The following MCM9 variants were observed in gnomAD, a reference collection of about 807,000 sequenced individuals.
MCM9 encodes minichromosome maintenance 9 homologous recombination repair factor, also known as DNA helicase MCM9.
Under a neutral mutation model 72.8 loss-of-function variants are expected in MCM9, and 55 were observed. The observed-to-expected ratio is 0.76, with a 90% CI of 0.61 to 0.95. The LOEUF is 0.95. MCM9 is among the 40% of genes least tolerant of loss of function. The pLI is 0.00. For missense variants in MCM9, 1,279 were observed against 1,377.0 expected (o/e 0.93, Z 1.13); for synonymous variants, 480 against 503.4 (o/e 0.95, Z 0.62).
chr6:118,904,304 A>G (rs1780015447), intron 8 of MCM9, among the ~76,000 whole-genome samples: 1 of 152,198 alleles, frequency 6.6e-6, no homozygotes, highest in South Asian at 2.1e-4. Flanking sequence ...CTAGGTAGCG[A>G]TTTTATGCCT....
intron 9 of MCM9, among the ~76,000 whole-genome samples, chr6:118,849,334 G>T (rs925492019): frequency 2.6e-5 from 4 of 151,642 alleles, no homozygotes; most frequent in Admixed American, 2.6e-4. Context: ...AGTAATAAGA[G>T]ACTTTAACAC....
chr6:118,874,699 G>GA (rs1456177603), intron 8 of MCM9, among the ~76,000 whole-genome samples: 1 of 152,144 alleles, frequency 6.6e-6, no homozygotes, highest in Non-Finnish European at 1.5e-5. Context: ...AACAAACTGA[G>GA]AAAAAAATAC....
At chr6:118,840,838 A>G (rs980964357) in intron 9 of MCM9, among the ~76,000 whole-genome samples, 3 of 149,140 alleles carry the variant, frequency 2.0e-5, no homozygotes, top group African/African-American at 7.4e-5. Context: ...CCTGGGCTCA[A>G]GCAAACCTCC....
intron 9 of MCM9, among the ~76,000 whole-genome samples, chr6:118,836,971 C>T (rs1265294222): frequency 6.6e-6 from 1 of 151,986 alleles, no homozygotes; most frequent in Non-Finnish European, 1.5e-5. Flanking sequence ...TGTTGGGGTG[C>T]TGAATTTAGA....
intron 3 of MCM9, among the ~76,000 whole-genome samples, chr6:118,925,937 G>C (rs1274433572): frequency 6.6e-6 from 1 of 151,894 alleles, no homozygotes; most frequent in Non-Finnish European, 1.5e-5. Context: ...AAAAAAGCAA[G>C]ATATAATTCA....
Position 118,931,731 on chromosome 6 carries a change from C to A in MCM9, c.-8G>T, listed in dbSNP as rs374755975. The A allele has an allele frequency of 6.3e-7, 1 of 1,581,722 alleles. No homozygotes were observed. The highest frequency in any genetic ancestry group is 8.6e-7 in the Non-Finnish European group (1 of 1,163,732). ...AACTTGATCGCTATTCATCTTGAAT[C>A]TAGGTAACTAAAGAAAAAAAAAAGG... On this transcript the variant is annotated 5_prime_UTR_variant, in exon 3 of 14. The change abolishes the stop of an existing upstream ORF in the 5' untranslated region. Transcript: ENST00000619706.
At chr6:118,900,166 A>AG (rs1779710149) in intron 8 of MCM9, among the ~76,000 whole-genome samples, 1 of 145,750 alleles carries the variant, frequency 6.9e-6, no homozygotes, top group Non-Finnish European at 1.6e-5. Flanking sequence ...TGTATGACAC[A>AG]GGGGGGTGCC....
intron 8 of MCM9, among the ~76,000 whole-genome samples, chr6:118,857,814 G>A (rs934084297): frequency 2.6e-5 from 4 of 151,928 alleles, no homozygotes; most frequent in African/African-American, 9.7e-5. Flanking sequence ...TATCTAAAAA[G>A]GAACAGATAA....
intron 8 of MCM9, 36 bp downstream of exon 8, chr6:118,911,614 T>A: frequency 6.3e-7 from 1 of 1,586,874 alleles, no homozygotes. Context: ...ACTTCTGAAG[T>A]AATGTTAAAT....
intron 6 of MCM9, 74 bp from the exon 7 acceptor site, chr6:118,913,494 T>C (rs1780708149): frequency 6.4e-7 from 1 of 1,574,348 alleles, no homozygotes; most frequent in Non-Finnish European, 8.7e-7. Context: ...CTTCCTTTCC[T>C]ATCTGACCAT....
intron 3 of MCM9, among the ~76,000 whole-genome samples, chr6:118,930,056 C>A (rs1281760843): frequency 2.0e-5 from 3 of 151,854 alleles, no homozygotes; most frequent in Non-Finnish European, 4.4e-5. Flanking sequence ...TTATAAATCA[C>A]CACTCTTCTC....
At chr6:118,894,817 C>G (rs765827001) in intron 8 of MCM9, among the ~76,000 whole-genome samples, 5 of 152,212 alleles carry the variant, frequency 3.3e-5, no homozygotes, top group Admixed American at 2.6e-4. Context: ...CGCACTCGCT[C>G]CCGCTGCGCC....
chr6:118,818,466 C>G (rs576155010), intron 13 of MCM9, among the ~76,000 whole-genome samples: 1 of 152,140 alleles, frequency 6.6e-6, no homozygotes, highest in African/African-American at 2.4e-5. Flanking sequence ...TCTGAGGCCT[C>G]TGTTCTGTTT....
intron 8 of MCM9, among the ~76,000 whole-genome samples, chr6:118,884,706 T>C (rs1283052593): frequency 6.6e-6 from 1 of 151,926 alleles, no homozygotes; most frequent in Non-Finnish European, 1.5e-5. Context: ...AAGAAAGAAA[T>C]GGGTTGAAAG....
chr6:118,894,391 A>G (rs1562426743), intron 8 of MCM9: 3 of 1,536,208 alleles, frequency 2.0e-6, no homozygotes, highest in South Asian at 2.4e-5. Context: ...CCCAGTTCCC[A>G]TTGTTTGTGT....
At chr6:118,892,113 C>T (rs1778984550) in intron 8 of MCM9, among the ~76,000 whole-genome samples, 1 of 152,208 alleles carries the variant, frequency 6.6e-6, no homozygotes, top group African/African-American at 2.4e-5. Flanking sequence ...TCCTTTCGGT[C>T]TCTCCTGGAG....
chr6:118,857,195 T>C lies in MCM9; in HGVS notation c.1151-650A>G, dbSNP rs143694879. 8.5e-3 allele frequency among the ~76,000 whole-genome samples: 1,297 copies of C among 152,324 alleles called. 18 individuals carry two copies. Among genetic ancestry groups the C allele is most frequent in the African/African-American group, 0.029 (1,206 of 41,562 alleles). On this transcript the variant is annotated intron_variant, in intron 8 of 13. Transcript: ENST00000619706. The stretch of plus-strand genomic sequence containing the variant: ...AGACCTTATGACAGAGGGTGTGTAC[T>C]ATACGCTGTTTACAGAAAAGGGTCC...
Position 118,834,561 on chromosome 6 carries a change from G to A in MCM9, c.1326-5311C>T, listed in dbSNP as rs187177738. Among the ~76,000 whole-genome samples, 124 of 152,256 alleles carry A rather than the reference G, an allele frequency of 8.1e-4. 1 individual carries two copies. Among genetic ancestry groups the A allele is most frequent in the Non-Finnish European group, 9.8e-4 (67 of 68,024 alleles). ...TAATGATCACCATTCTAAATGGTGTGACATAGTACCTAATTGTGGTTTTGA... is the reference window on the plus strand; with the variant it reads ...TAATGATCACCATTCTAAATGGTGTAACATAGTACCTAATTGTGGTTTTGA... On this transcript the variant is annotated intron_variant, in intron 9 of 13. Transcript: ENST00000619706.
chr6:118,911,929 A>C (rs1304797577), intron 7 of MCM9, 160 bp from the exon 8 acceptor site: 5 of 521,508 alleles, frequency 9.6e-6, no homozygotes, highest in Admixed American at 3.5e-5. Flanking sequence ...TGTCATAAAC[A>C]GTCCTTAATT....
Sources: allele counts gnomAD v4.1 joint callset (sites outside exome capture counted in the v4.1 genomes callset), GRCh38; gene constraint gnomAD v4.1.1; transcripts MANE v1.5; gene names NCBI Gene and HGNC (gene_info 2026-07-23, HGNC 2026-07-21).